The following MCF2 variants were observed in gnomAD, a reference collection of about 807,000 sequenced individuals.
The protein encoded by MCF2 is proto-oncogene DBL.
Under a neutral mutation model 82.5 loss-of-function variants are expected in MCF2, and 44 were observed. The observed-to-expected ratio is 0.53, with a 90% CI of 0.42 to 0.69. The LOEUF (loss-of-function observed/expected upper bound fraction) is 0.69. Ranked by LOEUF, MCF2 falls within the 30% of genes least tolerant of loss-of-function variation. The pLI, the probability that MCF2 is intolerant of heterozygous loss-of-function variation, is 0.00. For synonymous variants in MCF2, 217 were observed against 224.9 expected, an observed-to-expected ratio of 0.96 and a Z score of 0.32; for missense variants, 623 against 663.1, an observed-to-expected ratio of 0.94 and a Z score of 0.66.
Position 139,649,022 on chromosome X carries a change from T to C in MCF2, c.26-2119A>G, listed in dbSNP as rs542585204. On this transcript the variant is annotated intron_variant, in intron 2 of 27. Coordinates refer to the MCF2 transcript ENST00000414978. ...ACAAAGAATTTGCAAGGATATTGTA[T>C]ACCTGAACAACAGTCTCAACCAACA... Among the ~76,000 whole-genome samples, 3 of 112,318 alleles carry C rather than the reference T, an allele frequency of 2.7e-5. No individual in the cohort carries two copies. In the South Asian group the frequency reaches 1.1e-3, roughly 41 times the overall value.
chrX:139,595,185 T>C (rs1306510351), intron 19 of MCF2, among the ~76,000 whole-genome samples: 2 of 108,386 alleles, frequency 1.8e-5, no homozygotes, highest in African/African-American at 3.4e-5. Context: ...CTCAGGGATC[T>C]AGAACTAGAA....
intron 2 of MCF2, 22 bp downstream of exon 5, chrX:139,632,313 C>T (rs766228276): frequency 7.8e-6 from 9 of 1,158,675 alleles, no homozygotes; most frequent in Admixed American, 6.9e-5. Flanking sequence ...AGGAACAAAA[C>T]ATTTAAATAA....
chrX:139,660,229 C>T (rs1001502612), intron 1 of MCF2, among the ~76,000 whole-genome samples: 5 of 111,694 alleles, frequency 4.5e-5, no homozygotes, highest in Admixed American at 1.9e-4. Flanking sequence ...GAAGGTTATA[C>T]CCAAATAGCT....
At chrX:139,609,798 CTGCA>C (rs777599386) in intron 11 of MCF2, among the ~76,000 whole-genome samples, 1 of 110,763 alleles carries the variant, frequency 9.0e-6, no homozygotes, top group African/African-American at 3.3e-5. Flanking sequence ...TGAATGGCCA[CTGCA>C]CTCCAGCCTT....
chrX:139,665,242 T>C (rs748741571), intron 1 of MCF2, among the ~76,000 whole-genome samples: 1 of 111,140 alleles, frequency 9.0e-6, no homozygotes, highest in East Asian at 2.9e-4. Flanking sequence ...AACTCCACAC[T>C]AGGATTTGCA....
At chrX:139,617,760 A>T in intron 7 of MCF2, 56 bp from the exon 11 acceptor site, 1 of 734,809 alleles carries the variant, frequency 1.4e-6, no homozygotes, top group Non-Finnish European at 1.8e-6. Context: ...CCTATAGAGA[A>T]AAAAAGAAGA....
chrX:139,645,643 G>A (rs185842381), upstream of MCF2: 10 of 1,186,680 alleles, frequency 8.4e-6, no homozygotes, highest in South Asian at 1.8e-4. Context: ...TAAACCGGGA[G>A]TCTGATCCAT....
chrX:139,584,128 C>CTTTTTTT (rs1163854425), intron 24 of MCF2, among the ~76,000 whole-genome samples: 15 of 72,635 alleles, frequency 2.1e-4, no homozygotes, highest in African/African-American at 3.4e-4. Flanking sequence ...TGCCATTATC[C>CTTTTTTT]TTTTTTTTTT....
chrX:139,681,441 G>A (rs751814475), intron 1 of MCF2, among the ~76,000 whole-genome samples: 1 of 111,992 alleles, frequency 8.9e-6, no homozygotes, highest in South Asian at 3.7e-4. Context: ...AGACAAAACT[G>A]GGCAAATGCT....
chrX:139,641,963 G>A (rs768314623), intron 1 of MCF2, among the ~76,000 whole-genome samples: 1 of 111,220 alleles, frequency 9.0e-6, no homozygotes, highest in African/African-American at 3.3e-5. Context: ...GTTTGGAGAA[G>A]AATTGAAACC....
intron 22 of MCF2, among the ~76,000 whole-genome samples, chrX:139,587,146 G>A (rs1023319235): frequency 2.7e-5 from 3 of 111,394 alleles, no homozygotes; most frequent in East Asian, 5.7e-4. Flanking sequence ...GAATCAATGA[G>A]AGAATTCTTT....
At chrX:139,611,267 T>C (rs757101861) in intron 10 of MCF2, among the ~76,000 whole-genome samples, 1 of 111,920 alleles carries the variant, frequency 8.9e-6, no homozygotes, top group Non-Finnish European at 1.9e-5. Flanking sequence ...AGGGCTGCTA[T>C]GTTCTCTAGA....
At chrX:139,608,229 C>T (rs1931204892) in intron 11 of MCF2, among the ~76,000 whole-genome samples, 1 of 109,207 alleles carries the variant, frequency 9.2e-6, no homozygotes, top group African/African-American at 3.3e-5. Flanking sequence ...AGATCTGGGG[C>T]AAGCTAGAAG....
intron 1 of MCF2, among the ~76,000 whole-genome samples, chrX:139,681,511 C>T (rs1367706840): frequency 8.9e-6 from 1 of 112,229 alleles, no homozygotes; most frequent in East Asian, 2.8e-4. Flanking sequence ...TTTAAAATAT[C>T]TTAGCATCAT....
chrX:139,647,472 T>C (rs1317007744), upstream of MCF2, among the ~76,000 whole-genome samples: 1 of 111,628 alleles, frequency 9.0e-6, no homozygotes, highest in East Asian at 2.8e-4. Flanking sequence ...CAAAATTCAA[T>C]GTTCAGCCTG....
chrX:139,670,638 G>T (rs762376169), intron 1 of MCF2, among the ~76,000 whole-genome samples: 141 of 111,517 alleles, frequency 1.3e-3, no homozygotes, highest in Non-Finnish European at 2.3e-3. Flanking sequence ...CACAGGACAT[G>T]AACTCATCCC....
chrX:139,637,850 T>C (rs1389258709), intron 1 of MCF2, among the ~76,000 whole-genome samples: 1 of 111,540 alleles, frequency 9.0e-6, no homozygotes, highest in Non-Finnish European at 1.9e-5. Flanking sequence ...GGGATTATCA[T>C]GGTGGGACCG....
chrX:139,593,479 C>T (rs1334818961), intron 19 of MCF2, among the ~76,000 whole-genome samples: 2 of 110,902 alleles, frequency 1.8e-5, no homozygotes, highest in Non-Finnish European at 3.8e-5. Context: ...TGGTACCATT[C>T]CTTCTGAAAC....
In MCF2 at chrX:139,586,366, C is replaced by T. The variant is rs1407419134; in HGVS notation, c.2632+12G>A. On this transcript the variant is annotated intron_variant, in intron 23 of 24. Coordinates refer to ENST00000370576, the Ensembl canonical transcript of MCF2. ...CCCATGAGTCTCGTCTTAAGATGACCATGACACATACCTGTATTTGCTTCT... is the reference window on the plus strand; with the variant it reads ...CCCATGAGTCTCGTCTTAAGATGACTATGACACATACCTGTATTTGCTTCT... 2 of 1,166,829 alleles carry T rather than the reference C, an allele frequency of 1.7e-6. No individual in the cohort carries two copies. Among genetic ancestry groups the T allele is most frequent in the African/African-American group, 3.5e-5 (2 of 56,829 alleles).
Sources: allele counts gnomAD v4.1 joint callset (sites outside exome capture counted in the v4.1 genomes callset), GRCh38; gene constraint gnomAD v4.1.1; transcripts MANE v1.5; gene names NCBI Gene and HGNC (gene_info 2026-07-23, HGNC 2026-07-21).